MECOM: variants seen among roughly 807,000 people sequenced by gnomAD.
The protein encoded by MECOM is histone-lysine N-methyltransferase MECOM.
In MECOM, 13 loss-of-function variants were observed where a neutral mutation model predicts 116.3. The ratio of observed to expected loss-of-function variants is 0.11; its 90% CI spans 0.07 to 0.18. The LOEUF (loss-of-function observed/expected upper bound fraction) is 0.18. Ranked by LOEUF, MECOM falls within the 10% of genes least tolerant of loss-of-function variation. The pLI, the probability that MECOM is intolerant of heterozygous loss-of-function variation, is 1.00. For missense variants in MECOM, 1,299 were observed against 1,509.0 expected (o/e 0.86, Z 2.31); for synonymous variants, 528 against 535.2 (o/e 0.99, Z 0.19).
At chr3:169,243,294 G>A (rs1477476856) in intron 2 of MECOM, among the ~76,000 whole-genome samples, 1 of 152,094 alleles carries the variant, frequency 6.6e-6, no homozygotes, top group Non-Finnish European at 1.5e-5. Context: ...TGTTCTAATA[G>A]CTTTCTCATT....
intron 2 of MECOM, among the ~76,000 whole-genome samples, chr3:169,194,943 G>T (rs1748220334): frequency 6.6e-6 from 1 of 152,034 alleles, no homozygotes; most frequent in Admixed American, 6.6e-5. Flanking sequence ...GTCTACAAGA[G>T]AGATGAAGGA....
intron 1 of MECOM, among the ~76,000 whole-genome samples, chr3:169,547,341 A>G (rs1302896745): frequency 6.6e-6 from 1 of 152,216 alleles, no homozygotes; most frequent in African/African-American, 2.4e-5. Context: ...TGTACAACCT[A>G]TGGAACTGTG....
chr3:169,377,587 G>A (rs56271750), intron 2 of MECOM, among the ~76,000 whole-genome samples: 49,005 of 152,010 alleles, frequency 0.32, 8,227 homozygotes, highest in East Asian at 0.5. Flanking sequence ...ATAATCACTG[G>A]TCATTAGAGA....
chr3:169,214,787 A>C (rs1324186672), intron 2 of MECOM, among the ~76,000 whole-genome samples: 2 of 149,354 alleles, frequency 1.3e-5, no homozygotes, highest in African/African-American at 4.9e-5. Context: ...TTTTCAGAAA[A>C]AAAAGTTCTA....
At chr3:169,413,492 T>G (rs1377908498) in intron 1 of MECOM, among the ~76,000 whole-genome samples, 1 of 3,624 alleles carries the variant, frequency 2.8e-4, no homozygotes, top group African/African-American at 2.4e-3. Flanking sequence ...TTTTTTTTAT[T>G]TTTTTTTTTG....
chr3:169,649,637 A>G (rs1774634668), intron 1 of MECOM, among the ~76,000 whole-genome samples: 1 of 152,126 alleles, frequency 6.6e-6, no homozygotes, highest in African/African-American at 2.4e-5. Flanking sequence ...TATGCTAGGT[A>G]CTTGATAACT....
chr3:169,480,136 T>C (rs1304848395), intron 1 of MECOM, among the ~76,000 whole-genome samples: 2 of 152,246 alleles, frequency 1.3e-5, no homozygotes, highest in Admixed American at 1.3e-4. Flanking sequence ...TGCCAAAGAC[T>C]AACATATTGA....
At chr3:169,425,080 T>A (rs560577494) in intron 1 of MECOM, among the ~76,000 whole-genome samples, 1 of 142,208 alleles carries the variant, frequency 7.0e-6, no homozygotes, top group South Asian at 2.3e-4. Flanking sequence ...AAATTAAAAT[T>A]TAGTGTTCAT....
intron 2 of MECOM, among the ~76,000 whole-genome samples, chr3:169,266,517 T>C (rs1758325851): frequency 6.6e-6 from 1 of 152,198 alleles, no homozygotes; most frequent in South Asian, 2.1e-4. Flanking sequence ...CAGTATTTGT[T>C]TCCAGGCTCA....
intron 2 of MECOM, among the ~76,000 whole-genome samples, chr3:169,319,398 G>A (rs1720415420): frequency 1.3e-5 from 2 of 152,082 alleles, no homozygotes; most frequent in South Asian, 4.1e-4. Flanking sequence ...CATGGGGAAG[G>A]GAACACCACA....
chr3:169,413,610 T>C (rs1403949267), intron 1 of MECOM, among the ~76,000 whole-genome samples: 2 of 151,936 alleles, frequency 1.3e-5, no homozygotes, highest in African/African-American at 4.8e-5. Flanking sequence ...CCCAACTCCA[T>C]GGAGCATAGC....
At position 169,472,524 on chromosome 3, in the gene MECOM, AAAG is replaced by A. The variant is rs200156855; in HGVS notation, c.38-91003_38-91001del. Among the ~76,000 whole-genome samples the A allele has an allele frequency of 6.8e-4, 62 of 91,208 alleles. 1 individual carries two copies. The highest frequency in any genetic ancestry group is 3.6e-4 in the South Asian group (1 of 2,810). The allele number at this position is 91,208 out of a possible 152,430, so 59.8% of individuals were successfully genotyped here. A position where few individuals can be genotyped will look rare whatever the true frequency, so the allele number is the denominator to read the frequency against. On this transcript the variant is annotated intron_variant, in intron 1 of 16. Coordinates refer to ENST00000651503, the MANE Select transcript of MECOM (RefSeq NM_004991.4). ...AAAGGAAAGGAAAGGAAAGGAAAGA[AAAG>A]AAAAGAAAAGGAAAGGAAAGGAAAA...
chr3:169,439,400 A>G (rs1236707271), intron 1 of MECOM, among the ~76,000 whole-genome samples: 1 of 150,122 alleles, frequency 6.7e-6, no homozygotes, highest in East Asian at 1.9e-4. Flanking sequence ...TCCAGAATAT[A>G]TTAGTATCCA....
At chr3:169,561,032 G>A (rs1762574863) in intron 1 of MECOM, among the ~76,000 whole-genome samples, 1 of 151,396 alleles carries the variant, frequency 6.6e-6, no homozygotes, top group Admixed American at 6.6e-5. Flanking sequence ...ATTCAGAAAA[G>A]GAAATCCAAA....
chr3:169,470,667 T>C (rs1749080989), intron 1 of MECOM, among the ~76,000 whole-genome samples: 1 of 152,138 alleles, frequency 6.6e-6, no homozygotes, highest in African/African-American at 2.4e-5. Flanking sequence ...GTCACAGTGC[T>C]TGATGTGAAA....
chr3:169,655,044 A>G (rs1775373441), intron 1 of MECOM, among the ~76,000 whole-genome samples: 1 of 152,164 alleles, frequency 6.6e-6, no homozygotes, highest in Admixed American at 6.5e-5. Flanking sequence ...TTGAATCAAC[A>G]TTTCATAAAG....
At chr3:169,313,691 T>A (rs1490601365) in intron 2 of MECOM, among the ~76,000 whole-genome samples, 2 of 152,208 alleles carry the variant, frequency 1.3e-5, no homozygotes, top group African/African-American at 2.4e-5. Flanking sequence ...ATGGTTATTA[T>A]CAGCTGACAG....
At chr3:169,278,221 C>T (rs748875905) in intron 2 of MECOM, among the ~76,000 whole-genome samples, 59 of 152,200 alleles carry the variant, frequency 3.9e-4, no homozygotes, top group Non-Finnish European at 7.8e-4. Flanking sequence ...AAAAGGACCA[C>T]ATTAGCCTTA....
At chr3:169,659,440 A>ATTTTTTTTTTTTTTTTTTTTTTTT (rs56270349) in intron 1 of MECOM, among the ~76,000 whole-genome samples, 1 of 62,146 alleles carries the variant, frequency 1.6e-5, no homozygotes, top group African/African-American at 6.1e-5. Flanking sequence ...CTAAACACAG[A>ATTTTTTTTTTTTTTTTTTTTTTTT]TTTTTTTTTT....
Sources: gnomAD v4.1 joint callset for allele counts (sites outside exome capture counted in the v4.1 genomes callset) on GRCh38, gnomAD v4.1.1 for gene constraint, MANE v1.5 for transcripts, NCBI Gene and HGNC (gene_info 2026-07-23, HGNC 2026-07-21) for gene names.